XKR9: variants seen among roughly 807,000 people sequenced by gnomAD.
XKR9 encodes the protein XK-related protein 9.
XKR9 carries 32 observed loss-of-function variants against 32.0 expected under a neutral mutation model. That is an observed-to-expected ratio of 1.00 (90% CI 0.76 to 1.34). The LOEUF (loss-of-function observed/expected upper bound fraction) is 1.34, where lower values mean the gene tolerates loss of function less well. XKR9 is among the 40% of genes most tolerant of loss of function. The pLI, the probability that XKR9 is intolerant of heterozygous loss-of-function variation, is 0.00. For synonymous variants in XKR9, 168 were observed against 143.4 expected (o/e 1.17, Z -1.22); for missense variants, 546 against 429.7 (o/e 1.27, Z -2.39).
chr8:70,762,938 G>A (rs1250032651), intron 2 of XKR9, among the ~76,000 whole-genome samples: 1 of 152,110 alleles, frequency 6.6e-6, no homozygotes, highest in Non-Finnish European at 1.5e-5. Flanking sequence ...AATATATAGA[G>A]ACACTATTGA....
the XKR9 span, among the ~76,000 whole-genome samples, chr8:70,983,071 T>A: frequency 6.6e-6 from 1 of 152,298 alleles, no homozygotes; most frequent in Admixed American, 6.5e-5. Context: ...GTGGTGGCCC[T>A]TTGAGTCAGA....
the XKR9 span, among the ~76,000 whole-genome samples, chr8:70,862,693 G>A: frequency 6.6e-6 from 1 of 151,840 alleles, no homozygotes; most frequent in Non-Finnish European, 1.5e-5. Context: ...GCTGGGTGAA[G>A]AATAAATATG....
chr8:70,999,300 G>T, the XKR9 span, among the ~76,000 whole-genome samples: 3 of 152,068 alleles, frequency 2.0e-5, no homozygotes, highest in Non-Finnish European at 2.9e-5. Flanking sequence ...CTTGCAGTTT[G>T]CTCCAGCTCA....
At chr8:70,920,340 A>G in the XKR9 span, among the ~76,000 whole-genome samples, 1 of 152,208 alleles carries the variant, frequency 6.6e-6, no homozygotes, top group African/African-American at 2.4e-5. Flanking sequence ...GAAGTATGAG[A>G]TTTACTGAAG....
the XKR9 span, among the ~76,000 whole-genome samples, chr8:71,028,908 AAGAG>A: frequency 2.0e-5 from 3 of 150,864 alleles, no homozygotes; most frequent in Non-Finnish European, 4.4e-5. Context: ...GACACACAGA[AAGAG>A]AGAGAGAGAG....
the XKR9 span, among the ~76,000 whole-genome samples, chr8:70,825,782 C>A: frequency 6.6e-6 from 1 of 151,966 alleles, no homozygotes; most frequent in Non-Finnish European, 1.5e-5. Flanking sequence ...ACTTAAAAAT[C>A]CTTTGAAAAT....
downstream of XKR9, among the ~76,000 whole-genome samples, chr8:70,739,837 G>A (rs867220349): frequency 2.7e-4 from 41 of 152,274 alleles, no homozygotes; most frequent in Admixed American, 4.6e-4. Context: ...CGAGAGATCC[G>A]CCGTTGGTCT....
chr8:70,944,372 A>C, the XKR9 span, among the ~76,000 whole-genome samples: 1 of 152,252 alleles, frequency 6.6e-6, no homozygotes, highest in Non-Finnish European at 1.5e-5. Context: ...TGAGTCAAAA[A>C]CAAAACGAAA....
the XKR9 span, among the ~76,000 whole-genome samples, chr8:70,990,811 C>A: frequency 2.6e-5 from 4 of 151,306 alleles, no homozygotes; most frequent in African/African-American, 9.7e-5. Flanking sequence ...TTCATGCATC[C>A]ATCTGGGAAC....
the XKR9 span, among the ~76,000 whole-genome samples, chr8:70,905,274 G>T: frequency 3.9e-5 from 6 of 152,038 alleles, no homozygotes; most frequent in African/African-American, 1.4e-4. Flanking sequence ...ATGTAGATTT[G>T]GTGTTTTCAC....
chr8:70,867,640 C>T, the XKR9 span, among the ~76,000 whole-genome samples: 8 of 152,110 alleles, frequency 5.3e-5, no homozygotes, highest in South Asian at 2.1e-4. Context: ...TTAGTAGAGA[C>T]GGGATTTCAC....
the XKR9 span, among the ~76,000 whole-genome samples, chr8:70,844,614 C>A: frequency 2.0e-5 from 3 of 152,230 alleles, no homozygotes; most frequent in Non-Finnish European, 4.4e-5. Context: ...CTGCTCACCC[C>A]TACTTCTCTC....
the XKR9 span, among the ~76,000 whole-genome samples, chr8:71,021,056 G>A: frequency 2.6e-5 from 4 of 152,180 alleles, no homozygotes; most frequent in East Asian, 7.7e-4. Context: ...TGGAAAATAA[G>A]AAGAAGCCAT....
chr8:70,723,363 A>C (rs1158316381), intron 4 of XKR9, among the ~76,000 whole-genome samples: 1 of 152,090 alleles, frequency 6.6e-6, no homozygotes, highest in Non-Finnish European at 1.5e-5. Context: ...AGGAGCCACG[A>C]TCCTTTGTAA....
At chr8:70,807,531 A>G in the XKR9 span, among the ~76,000 whole-genome samples, 1 of 152,316 alleles carries the variant, frequency 6.6e-6, no homozygotes, top group African/African-American at 2.4e-5. Flanking sequence ...CTCACATGCA[A>G]AGACACACAG....
the XKR9 span, among the ~76,000 whole-genome samples, chr8:70,878,387 C>A: frequency 6.6e-6 from 1 of 152,060 alleles, no homozygotes; most frequent in Admixed American, 6.6e-5. Context: ...CAAGCCCCAT[C>A]AATGTGCTAT....
the XKR9 span, among the ~76,000 whole-genome samples, chr8:70,836,878 G>C: frequency 6.6e-6 from 1 of 151,940 alleles, no homozygotes; most frequent in Admixed American, 6.6e-5. Flanking sequence ...TTCTTCTACT[G>C]GTTCAACATA....
At chr8:71,053,425 T>TA in the XKR9 span, among the ~76,000 whole-genome samples, 1 of 152,192 alleles carries the variant, frequency 6.6e-6, no homozygotes, top group South Asian at 2.1e-4. Context: ...GTGAAACAGA[T>TA]AAAAAAGAAT....
chr8:71,048,868 A>G, the XKR9 span, among the ~76,000 whole-genome samples: 9 of 152,214 alleles, frequency 5.9e-5, no homozygotes, highest in South Asian at 1.4e-3. Context: ...TCTTAATCCA[A>G]ATGAAATACA....
Sources: gnomAD v4.1 joint callset for allele counts (sites outside exome capture counted in the v4.1 genomes callset) on GRCh38, gnomAD v4.1.1 for gene constraint, MANE v1.5 for transcripts, NCBI Gene and HGNC (gene_info 2026-07-23, HGNC 2026-07-21) for gene names.